Variants in ANKRD44 observed in about 807,000 individuals in gnomAD.
The protein encoded by ANKRD44 is serine/threonine-protein phosphatase 6 regulatory ankyrin repeat subunit B.
Under a neutral mutation model 116.0 loss-of-function variants are expected in ANKRD44, and 35 were observed. The ratio of observed to expected loss-of-function variants is 0.30; its 90% CI spans 0.23 to 0.40. The LOEUF (loss-of-function observed/expected upper bound fraction) is 0.40. Among genes scored for constraint, ANKRD44 ranks in the 10% least tolerant of loss-of-function variants. ANKRD44 has a pLI of 1.00. For missense variants in ANKRD44, 1,014 were observed against 1,242.6 expected (o/e 0.82, Z 2.77); for synonymous variants, 435 against 461.8 (o/e 0.94, Z 0.74).
At chr2:197,202,770 G>A (rs1044275795) in intron 1 of ANKRD44, among the ~76,000 whole-genome samples, 3 of 151,964 alleles carry the variant, frequency 2.0e-5, no homozygotes, top group Non-Finnish European at 4.4e-5. Context: ...TAGAGAGGGG[G>A]TCTCGTCATG....
At chr2:197,143,692 C>T (rs2697258) in intron 3 of ANKRD44, among the ~76,000 whole-genome samples, 43 of 152,080 alleles carry the variant, frequency 2.8e-4, no homozygotes, top group African/African-American at 1.0e-3. Context: ...TACAGTGGTG[C>T]GATCTCAGCT....
chr2:197,218,777 T>TTTTTTTTTTTTTTGGG (rs2081513362), intron 1 of ANKRD44, among the ~76,000 whole-genome samples: 1 of 87,272 alleles, frequency 1.1e-5, no homozygotes, highest in Admixed American at 1.5e-4. Flanking sequence ...TTTTTTTTTT[T>TTTTTTTTTTTTTTGGG]GAGATGGAGT....
At chr2:197,161,430 GACTA>G (rs1182313893) in intron 2 of ANKRD44, among the ~76,000 whole-genome samples, 1 of 151,968 alleles carries the variant, frequency 6.6e-6, no homozygotes, top group Admixed American at 6.6e-5. Context: ...TGTATTTCAG[GACTA>G]ACTAGTATTT....
chr2:197,139,656 T>C (rs937371315), intron 3 of ANKRD44, among the ~76,000 whole-genome samples: 3 of 151,942 alleles, frequency 2.0e-5, no homozygotes, highest in African/African-American at 7.3e-5. Context: ...TAGATATATA[T>C]ATAGCAAATA....
intron 16 of ANKRD44, among the ~76,000 whole-genome samples, chr2:197,051,629 T>C (rs2077109524): frequency 6.6e-6 from 1 of 152,204 alleles, no homozygotes; most frequent in South Asian, 2.1e-4. Context: ...ATAGTAACTT[T>C]GTTGAAGAGA....
At chr2:197,204,983 A>G (rs1200385749) in intron 1 of ANKRD44, among the ~76,000 whole-genome samples, 2 of 152,250 alleles carry the variant, frequency 1.3e-5, no homozygotes, top group African/African-American at 4.8e-5. Flanking sequence ...AGCAAGAAAC[A>G]GCTTCAAAAT....
chr2:197,251,214 CTG>C (rs1275901521), intron 1 of ANKRD44, among the ~76,000 whole-genome samples: 1 of 152,120 alleles, frequency 6.6e-6, no homozygotes, highest in South Asian at 2.1e-4. Flanking sequence ...TTGGTTTACA[CTG>C]TCTTTCTGAA....
At chr2:197,135,702 C>A (rs1050620396) in intron 4 of ANKRD44, 1 of 152,362 alleles carries the variant, frequency 6.6e-6, no homozygotes, top group Non-Finnish European at 1.5e-5. Flanking sequence ...CCCACTCCAA[C>A]GACATGTTTG....
At chr2:197,259,294 T>C (rs925470712) in intron 1 of ANKRD44, among the ~76,000 whole-genome samples, 4 of 152,180 alleles carry the variant, frequency 2.6e-5, no homozygotes, top group African/African-American at 2.4e-5. Context: ...TCCTGCTTAC[T>C]TATATACATC....
At chr2:197,171,996 C>CTTTTT (rs1559122763) in intron 2 of ANKRD44, among the ~76,000 whole-genome samples, 1 of 29,318 alleles carries the variant, frequency 3.4e-5, no homozygotes. Flanking sequence ...CGTTATTTTT[C>CTTTTT]TTCTTTTTTT....
intron 9 of ANKRD44, among the ~76,000 whole-genome samples, chr2:197,101,160 A>G (rs531510213): frequency 6.6e-6 from 1 of 152,168 alleles, no homozygotes; most frequent in South Asian, 2.1e-4. Context: ...TCCAGGATCC[A>G]ATCAAATATC....
At chr2:196,995,213 A>G (rs1275833124) in intron 26 of ANKRD44, 166 bp downstream of exon 26, 2 of 396,940 alleles carry the variant, frequency 5.0e-6, no homozygotes, top group Non-Finnish European at 9.1e-6. Flanking sequence ...CAGCTTGGTC[A>G]GCACTTGTAG....
chr2:197,236,508 GT>G (rs2081981582), intron 1 of ANKRD44, among the ~76,000 whole-genome samples: 1 of 152,156 alleles, frequency 6.6e-6, no homozygotes, highest in Non-Finnish European at 1.5e-5. Flanking sequence ...AAGATTTCTT[GT>G]TTTTAACTTA....
At position 197,203,465 on chromosome 2, in the gene ANKRD44, T is replaced by G. The variant is rs2081137701; in HGVS notation, c.28-16359A>C. The stretch of plus-strand genomic sequence containing the variant: ...ACCCAGAAAACAGTGTTGGGAAGAA[T>G]GTGAAGAAATTGGAACATTGCTGAT... On this transcript the variant is annotated intron_variant, in intron 1 of 27. Coordinates refer to ENST00000282272, the MANE Select transcript of ANKRD44 (RefSeq NM_001195144.2). This position sits in a 1 kb window ranked among gnomAD's most constrained non-coding sequence, Gnocchi z 4.1. Among the ~76,000 whole-genome samples, 1 of 152,108 alleles carries G rather than the reference T, an allele frequency of 6.6e-6. No individual in the cohort carries two copies. The highest frequency in any genetic ancestry group is 2.4e-5 in the African/African-American group (1 of 41,428).
chr2:197,227,378 C>T (rs534759463), intron 1 of ANKRD44, among the ~76,000 whole-genome samples: 39 of 152,312 alleles, frequency 2.6e-4, no homozygotes, highest in Admixed American at 2.4e-3. Context: ...AGGTGAGGCT[C>T]CTAAGTATTG....
intron 1 of ANKRD44, among the ~76,000 whole-genome samples, chr2:197,261,468 A>G (rs2082601992): frequency 6.6e-6 from 1 of 151,826 alleles, no homozygotes; most frequent in Admixed American, 6.6e-5. Context: ...CCATGCTGTA[A>G]CCAAACAATT....
Position 197,007,802 on chromosome 2 carries a change from A to G in ANKRD44, c.2130+4T>C. The G allele has an allele frequency of 1.3e-6, 2 of 1,599,070 alleles. No homozygotes were observed. Among genetic ancestry groups the G allele is most frequent in the Non-Finnish European group, 1.7e-6 (2 of 1,166,978 alleles). On this transcript the variant is annotated splice_donor_region_variant and intron_variant, in intron 20 of 27. Coordinates refer to ENST00000282272, the MANE Select transcript of ANKRD44 (RefSeq NM_001195144.2). Reference sequence around the variant, plus strand: ...TTGACTAGAGCTGAGAAAGATGTACATACCCCTCTGTGTAAAGCTGTGCAT... The same window carrying G: ...TTGACTAGAGCTGAGAAAGATGTACGTACCCCTCTGTGTAAAGCTGTGCAT...
At chr2:197,114,890 T>C (rs903585559) in intron 8 of ANKRD44, among the ~76,000 whole-genome samples, 5 of 152,262 alleles carry the variant, frequency 3.3e-5, no homozygotes, top group Admixed American at 3.3e-4. Context: ...TTGTTTTGTA[T>C]GGTTCTAAGG....
chr2:197,294,395 C>T (rs1574464250), intron 1 of ANKRD44, among the ~76,000 whole-genome samples: 2 of 135,704 alleles, frequency 1.5e-5, no homozygotes, highest in East Asian at 2.6e-4. Flanking sequence ...TTTCTGGCCT[C>T]GCTAACCAGT....
Sources: gnomAD v4.1 joint callset for allele counts (sites outside exome capture counted in the v4.1 genomes callset) on GRCh38, gnomAD v4.1.1 for gene constraint, Gnocchi (gnomAD v3.1) non-coding constraint, MANE v1.5 for transcripts, NCBI Gene and HGNC (gene_info 2026-07-23, HGNC 2026-07-21) for gene names.